Variants in FAAH observed in about 807,000 individuals in gnomAD.
FAAH encodes fatty acid amide hydrolase, also known as fatty-acid amide hydrolase 1.
Under a neutral mutation model 69.7 loss-of-function variants are expected in FAAH, and 63 were observed. That is an observed-to-expected ratio of 0.90 (90% confidence interval 0.74 to 1.12). The LOEUF (loss-of-function observed/expected upper bound fraction) is 1.12, where lower values mean the gene tolerates loss of function less well. Ranked by LOEUF, FAAH falls within the 50% of genes most tolerant of loss-of-function variation. FAAH has a pLI of 0.00. For synonymous variants in FAAH, 305 were observed against 324.2 expected, an observed-to-expected ratio of 0.94 and a Z score of 0.64; for missense variants, 680 against 755.0, an observed-to-expected ratio of 0.90 and a Z score of 1.16.
At chr1:46,400,715 G>A (rs1305432870) in intron 1 of FAAH, among the ~76,000 whole-genome samples, 1 of 144,036 alleles carries the variant, frequency 6.9e-6, no homozygotes, top group East Asian at 2.1e-4. Context: ...GAGCTGGTTT[G>A]GGCTCCATTG....
chr1:46,397,852 C>T (rs531268956), intron 1 of FAAH, among the ~76,000 whole-genome samples: 2 of 152,168 alleles, frequency 1.3e-5, no homozygotes, highest in Admixed American at 6.5e-5. Context: ...CATGAGCCAC[C>T]GCGCCTGGCC....
At chr1:46,395,941 C>G (rs991201210) in intron 1 of FAAH, among the ~76,000 whole-genome samples, 6 of 152,158 alleles carry the variant, frequency 3.9e-5, no homozygotes, top group Non-Finnish European at 5.9e-5. Flanking sequence ...AAATAAGACA[C>G]AGAGACAAAG....
chr1:46,402,949 TC>T, intron 2 of FAAH, among the ~76,000 whole-genome samples: 1 of 152,238 alleles, frequency 6.6e-6, no homozygotes, highest in Middle Eastern at 3.4e-3. Context: ...CGCCTCGGTC[TC>T]CCAAAGTGCT....
At position 46,405,847 on chromosome 1, in the gene FAAH, G is replaced by A. The variant is rs775951056; in HGVS notation, c.785+53G>A. 1 of 1,608,812 alleles carries A rather than the reference G, an allele frequency of 6.2e-7. No homozygotes were observed. Among genetic ancestry groups the A allele is most frequent in the Admixed American group, 1.7e-5 (1 of 59,216 alleles). Reference sequence around the variant, plus strand: ...CCCCTCGCTGTGTGACCTTGGCCTAGCTTCCAACCTCTCTGGGCTCCAGGC... The same window carrying A: ...CCCCTCGCTGTGTGACCTTGGCCTAACTTCCAACCTCTCTGGGCTCCAGGC... On this transcript the variant is annotated intron_variant, in intron 5 of 14. Coordinates refer to ENST00000243167, the MANE Select transcript of FAAH (RefSeq NM_001441.3). The surrounding 1 kb of genome is among the most constrained non-coding windows in gnomAD (Gnocchi z 4.1).
intron 1 of FAAH, among the ~76,000 whole-genome samples, chr1:46,401,365 T>G (rs1664700653): frequency 6.6e-6 from 1 of 152,130 alleles, no homozygotes; most frequent in Admixed American, 6.5e-5. Context: ...GAACACTCAC[T>G]GTGAGGGTCT....
At chr1:46,407,419 T>C (rs1217449570) in intron 7 of FAAH, among the ~76,000 whole-genome samples, 1 of 152,112 alleles carries the variant, frequency 6.6e-6, no homozygotes, top group Non-Finnish European at 1.5e-5. Context: ...TGTCAACCGA[T>C]GCTTCCTGTT....
chr1:46,409,061 T>C (rs201117270), intron 8 of FAAH, 40 bp from the exon 9 acceptor site: 47 of 1,539,592 alleles, frequency 3.1e-5, no homozygotes, highest in Non-Finnish European at 4.1e-5. Context: ...ATGAAGCCAG[T>C]TGTTAGGTCA....
intron 7 of FAAH, among the ~76,000 whole-genome samples, chr1:46,407,661 G>A (rs1468059711): frequency 6.6e-6 from 1 of 152,130 alleles, no homozygotes; most frequent in Non-Finnish European, 1.5e-5. Flanking sequence ...TGAGGCTGGG[G>A]CCAGATGTCC....
intron 9 of FAAH, 158 bp downstream of exon 9, chr1:46,409,356 A>T: frequency 1.5e-6 from 1 of 679,496 alleles, no homozygotes. Flanking sequence ...AGCTGGGCAC[A>T]TTGAGCCTGG....
Position 46,394,539 on chromosome 1 carries a change from T to A in FAAH, c.191T>A (p.Leu64His), listed in dbSNP as rs927359154. Residue 64 changes from leucine (L) to histidine (H), a missense_variant, in exon 1 of 15, where the codon CTC (leucine) becomes CAC (histidine). Physicochemically the swap from Leu to His is moderately conservative, Grantham distance 99 (BLOSUM62 -3). Transcript: ENST00000243167. The stretch of plus-strand genomic sequence containing the variant: ...GACAGGGCGGCGCAGCGCTTCCGGC[T>A]CCAGGTGACTGCCGGAGCGTAGTGG... ...NMDRAAQRFR[L>H]QNPDLDSEAL... is the part of the protein sequence containing the mutation. 8.8e-6 allele frequency: 12 copies of A among 1,357,648 alleles called. No homozygotes were observed. Among genetic ancestry groups the A allele is most frequent in the Non-Finnish European group, 7.5e-6 (8 of 1,062,264 alleles). The allele number at this position is 1,357,648 out of a possible 1,614,324, so 84.1% of individuals were successfully genotyped here.
chr1:46,410,952 C>A lies in FAAH; in HGVS notation c.1316+98C>A, dbSNP rs1410608631. The A allele has an allele frequency of 1.1e-5, 16 of 1,503,832 alleles. No individual in the cohort carries two copies. The highest frequency in any genetic ancestry group is 1.3e-5 in the Non-Finnish European group (14 of 1,081,822). The allele number at this position is 1,503,832 out of a possible 1,614,324, so 93.2% of individuals were successfully genotyped here. A position where few individuals can be genotyped will look rare whatever the true frequency, so the allele number is the denominator to read the frequency against. ...ACAGGAAAGGACTTGAGGGAAGTAG[C>A]CTCTGAGGCTGGAAGTGGCCCAGGC... On this transcript the variant is annotated intron_variant, in intron 11 of 14. Coordinates refer to ENST00000243167, the MANE Select transcript of FAAH (RefSeq NM_001441.3). This position sits in a 1 kb window ranked among gnomAD's most constrained non-coding sequence, Gnocchi z 4.9.
chr1:46,405,239 G>A lies in FAAH; in HGVS notation c.444+91G>A. 1 of 1,611,606 alleles carries A rather than the reference G, an allele frequency of 6.2e-7. No individual in the cohort carries two copies. The highest frequency in any genetic ancestry group is 1.1e-5 in the South Asian group (1 of 90,904). On this transcript the variant is annotated intron_variant, in intron 3 of 14. Coordinates refer to ENST00000243167, the MANE Select transcript of FAAH (RefSeq NM_001441.3). This position sits in a 1 kb window ranked among gnomAD's most constrained non-coding sequence, Gnocchi z 4.1. ...TGGGTCATTTTGGGCCCTTAGAGGA[G>A]GTATCAGGTCCAGAGGCCTTCCGAG...
At chr1:46,408,952 A>G in intron 8 of FAAH, 149 bp from the exon 9 acceptor site, 1 of 731,488 alleles carries the variant, frequency 1.4e-6, no homozygotes, top group South Asian at 1.5e-5. Flanking sequence ...GTGAGTTTTC[A>G]TGGGTCAGTA....
chr1:46,412,015 C>T (rs1419441074), intron 12 of FAAH, 128 bp from the exon 13 acceptor site: 11 of 821,242 alleles, frequency 1.3e-5, no homozygotes, highest in Non-Finnish European at 2.3e-5. Flanking sequence ...CTGTGTCCCA[C>T]TGTGGCTCTG....
intron 9 of FAAH, chr1:46,409,425 C>A: frequency 1.9e-6 from 1 of 534,774 alleles, no homozygotes; most frequent in Admixed American, 2.6e-5. Flanking sequence ...TGTGGCCTAC[C>A]CCTGATCTGA....
intron 8 of FAAH, among the ~76,000 whole-genome samples, chr1:46,408,886 G>A (rs909175272): frequency 5.3e-5 from 8 of 152,166 alleles, no homozygotes; most frequent in African/African-American, 1.7e-4. Context: ...TTTTGGTCTG[G>A]TCATTACACA....
In FAAH at chr1:46,410,966, A is replaced by G. The variant is rs950499481; in HGVS notation, c.1316+112A>G. 7.2e-6 allele frequency: 10 copies of G among 1,390,692 alleles called. No homozygotes were observed. The African/African-American group carries it at 1.3e-4, about 18-fold the overall frequency. 86.1% of individuals were successfully genotyped at this position (1,390,692 alleles called of 1,614,324 possible). A position where few individuals can be genotyped will look rare whatever the true frequency, so the allele number is the denominator to read the frequency against. On this transcript the variant is annotated intron_variant, in intron 11 of 14. Coordinates refer to ENST00000243167, the MANE Select transcript of FAAH (RefSeq NM_001441.3). The surrounding 1 kb of genome is among the most constrained non-coding windows in gnomAD (Gnocchi z 4.9). The stretch of plus-strand genomic sequence containing the variant: ...GAGGGAAGTAGCCTCTGAGGCTGGA[A>G]GTGGCCCAGGCAGGGGGGCAACCTT...
chr1:46,406,088 G>T lies in FAAH; in HGVS notation c.826+10G>T. 2 of 1,614,182 alleles carry T rather than the reference G, an allele frequency of 1.2e-6. No individual in the cohort carries two copies. The highest frequency in any genetic ancestry group is 1.7e-6 in the Non-Finnish European group (2 of 1,180,018). On this transcript the variant is annotated intron_variant, in intron 6 of 14. Coordinates refer to ENST00000243167, the MANE Select transcript of FAAH (RefSeq NM_001441.3). The stretch of plus-strand genomic sequence containing the variant: ...TATGGACAGGAGGCAGGTGAGGTCC[G>T]TGGTGCTCTCAGTGCCCCGAGGAGG...
In FAAH at chr1:46,411,557, G is replaced by A; in HGVS notation, c.1317-55G>A. On this transcript the variant is annotated intron_variant, in intron 11 of 14. Coordinates refer to ENST00000243167, the MANE Select transcript of FAAH (RefSeq NM_001441.3). The surrounding 1 kb of genome is among the most constrained non-coding windows in gnomAD (Gnocchi z 4.8). ...GGGTTGGCAGTAGGGGTCTGATGTTGCTGATCTCCGTGGCTGTGACCATCA... is the reference window on the plus strand; with the variant it reads ...GGGTTGGCAGTAGGGGTCTGATGTTACTGATCTCCGTGGCTGTGACCATCA... 6.2e-7 allele frequency: 1 copy of A among 1,602,038 alleles called. No individual in the cohort carries two copies. The highest frequency in any genetic ancestry group is 8.5e-7 in the Non-Finnish European group (1 of 1,170,448).
Sources: allele counts gnomAD v4.1 joint callset (sites outside exome capture counted in the v4.1 genomes callset), GRCh38; gene constraint gnomAD v4.1.1; non-coding constraint Gnocchi (gnomAD v3.1); transcripts MANE v1.5; gene names NCBI Gene and HGNC (gene_info 2026-07-23, HGNC 2026-07-21).